Variants in ANTXR2 observed in about 807,000 individuals in gnomAD.
The protein encoded by ANTXR2 is anthrax toxin receptor 2.
Under a neutral mutation model 73.7 loss-of-function variants are expected in ANTXR2, and 44 were observed. That is an observed-to-expected ratio of 0.60 (90% CI 0.47 to 0.77). The LOEUF (loss-of-function observed/expected upper bound fraction) is 0.77, where lower values mean the gene tolerates loss of function less well. Among genes scored for constraint, ANTXR2 ranks in the 30% least tolerant of loss-of-function variants. The pLI is 0.00. For synonymous variants in ANTXR2, 217 were observed against 205.9 expected (o/e 1.05, Z -0.46); for missense variants, 604 against 592.5 (o/e 1.02, Z -0.20).
chr4:80,035,523 G>A (rs559309218), intron 8 of ANTXR2, among the ~76,000 whole-genome samples: 1 of 152,220 alleles, frequency 6.6e-6, no homozygotes, highest in Admixed American at 6.6e-5. Flanking sequence ...AGCACCAGCT[G>A]ATAAAGCCAC....
intron 15 of ANTXR2, 36 bp from the exon 16 acceptor site, chr4:79,977,737 T>C (rs372453434): frequency 1.3e-6 from 2 of 1,532,896 alleles, no homozygotes; most frequent in Non-Finnish European, 1.8e-6. Flanking sequence ...TCCCAGAGAA[T>C]GTACTCAATC....
intron 14 of ANTXR2, 148 bp from the exon 15 acceptor site, chr4:79,978,322 G>T: frequency 1.6e-6 from 1 of 622,924 alleles, no homozygotes; most frequent in Non-Finnish European, 2.4e-6. Flanking sequence ...CTCTTCAGAG[G>T]CTAAATAGGT....
intron 7 of ANTXR2, among the ~76,000 whole-genome samples, chr4:80,042,869 T>G (rs1733335638): frequency 6.6e-6 from 1 of 152,060 alleles, no homozygotes; most frequent in African/African-American, 2.4e-5. Flanking sequence ...CCTCTTATAT[T>G]TGTGAATCAC....
At chr4:80,043,472 TAAA>T (rs1733372468) in intron 7 of ANTXR2, among the ~76,000 whole-genome samples, 1 of 152,044 alleles carries the variant, frequency 6.6e-6, no homozygotes, top group African/African-American at 2.4e-5. Flanking sequence ...GTTTTTGGGA[TAAA>T]ACTGCTGATG....
Position 80,073,145 on chromosome 4 carries a change from G to A in ANTXR2, c.-585C>T, listed in dbSNP as rs922338295. On this transcript the variant is annotated 5_prime_UTR_variant, in exon 1 of 17. Coordinates refer to ENST00000403729, the MANE Select transcript of ANTXR2 (RefSeq NM_058172.6). ...TGACAGGCCGTCCCCTTTAGGGGAG[G>A]AGGCTAGCTGGCCCTGGGACTCCCG... is the stretch of plus-strand genomic sequence containing the variant. 6.5e-6 allele frequency: 1 copy of A among 152,684 alleles called. No individual in the cohort carries two copies. The highest frequency in any genetic ancestry group is 6.5e-5 in the Admixed American group (1 of 15,298). 9.5% of individuals were successfully genotyped at this position (152,684 alleles called of 1,614,324 possible). A position where few individuals can be genotyped will look rare whatever the true frequency, so the allele number is the denominator to read the frequency against.
chr4:79,908,416 C>A (rs1032651007), intron 16 of ANTXR2, among the ~76,000 whole-genome samples: 3 of 152,018 alleles, frequency 2.0e-5, no homozygotes, highest in Non-Finnish European at 2.9e-5. Context: ...TGATAAAATT[C>A]AAAAGCAACA....
intron 12 of ANTXR2, among the ~76,000 whole-genome samples, chr4:79,990,822 T>A (rs1006889229): frequency 3.0e-4 from 46 of 152,206 alleles, no homozygotes; most frequent in Non-Finnish European, 3.2e-4. Context: ...TACGACCATC[T>A]GATCTTCAAC....
intron 16 of ANTXR2, among the ~76,000 whole-genome samples, chr4:79,916,221 C>T (rs1228190389): frequency 1.3e-5 from 2 of 151,922 alleles, no homozygotes; most frequent in African/African-American, 4.8e-5. Context: ...AATGGTACAC[C>T]TAAACCACAC....
chr4:79,925,151 C>G (rs1405068113), intron 16 of ANTXR2, among the ~76,000 whole-genome samples: 1 of 152,098 alleles, frequency 6.6e-6, no homozygotes, highest in African/African-American at 2.4e-5. Context: ...AAACCCAAAC[C>G]TGGACAACTG....
chr4:80,063,102 A>T (rs1387358642), intron 3 of ANTXR2, among the ~76,000 whole-genome samples: 2 of 152,214 alleles, frequency 1.3e-5, no homozygotes, highest in African/African-American at 4.8e-5. Flanking sequence ...AAAGTTATAA[A>T]TACCCATTGT....
At chr4:80,029,124 G>A (rs1732572319) in intron 10 of ANTXR2, among the ~76,000 whole-genome samples, 1 of 152,028 alleles carries the variant, frequency 6.6e-6, no homozygotes, top group Non-Finnish European at 1.5e-5. Context: ...ATTAAAAAAT[G>A]TATCTCCTGG....
chr4:80,072,853 A>C lies in ANTXR2; in HGVS notation c.-293T>G. 2 of 535,984 alleles carry C rather than the reference A, an allele frequency of 3.7e-6. No individual in the cohort carries two copies. The highest frequency in any genetic ancestry group is 1.4e-4 in the South Asian group (2 of 14,042). 33.2% of individuals were successfully genotyped at this position (535,984 alleles called of 1,614,324 possible). On this transcript the variant is annotated 5_prime_UTR_variant, in exon 1 of 17. Transcript: ENST00000403729. Reference sequence around the variant, plus strand: ...TCCCGATTCCGGAGAGTTCCTGCAGACAATGCGGGCCCACGGCGACAGCTC... The same window carrying C: ...TCCCGATTCCGGAGAGTTCCTGCAGCCAATGCGGGCCCACGGCGACAGCTC...
chr4:79,910,593 A>G (rs1391162704), intron 16 of ANTXR2, among the ~76,000 whole-genome samples: 1 of 152,076 alleles, frequency 6.6e-6, no homozygotes, highest in African/African-American at 2.4e-5. Flanking sequence ...TATTCCCTCT[A>G]TAATGTCATT....
Position 80,072,789 on chromosome 4 carries a change from T to C in ANTXR2, c.-229A>G. On this transcript the variant is annotated 5_prime_UTR_variant, in exon 1 of 17. Coordinates refer to ENST00000403729, the MANE Select transcript of ANTXR2 (RefSeq NM_058172.6). ...ACCGCCGCAGCTGCCGCCGGAACTC[T>C]TGACGAATCCCAGTGGAAGCGCGAT... The C allele has an allele frequency of 1.9e-6, 2 of 1,037,510 alleles. No individual in the cohort carries two copies. The highest frequency in any genetic ancestry group is 2.4e-6 in the Non-Finnish European group (2 of 824,628). 64.3% of individuals were successfully genotyped at this position (1,037,510 alleles called of 1,614,324 possible). A position where few individuals can be genotyped will look rare whatever the true frequency, so the allele number is the denominator to read the frequency against.
chr4:79,902,833 C>T lies in ANTXR2; in HGVS notation c.*4596G>A, dbSNP rs1290010445. 6.6e-6 allele frequency: 1 copy of T among 151,900 alleles called. No individual in the cohort carries two copies. The highest frequency in any genetic ancestry group is 1.5e-5 in the Non-Finnish European group (1 of 67,982). 9.4% of individuals were successfully genotyped at this position (151,900 alleles called of 1,614,324 possible). ...ATATGAGATACAAAAATACTAAAACCTCCAACCTAACCATATTAATAGAAA... is the reference window on the plus strand; with the variant it reads ...ATATGAGATACAAAAATACTAAAACTTCCAACCTAACCATATTAATAGAAA... On this transcript the variant is annotated 3_prime_UTR_variant, in exon 17 of 17. Transcript: ENST00000403729.
At chr4:80,004,927 T>C (rs1731233495) in intron 12 of ANTXR2, among the ~76,000 whole-genome samples, 1 of 151,876 alleles carries the variant, frequency 6.6e-6, no homozygotes, top group Non-Finnish European at 1.5e-5. Context: ...AAAGACTTGC[T>C]GTTGAGGCAG....
rs1010470801 is a variant in ANTXR2, at chr4:80,072,826, C to G, written c.-266G>C. 4.2e-5 allele frequency: 32 copies of G among 765,526 alleles called. No individual in the cohort carries two copies. The highest frequency in any genetic ancestry group is 5.4e-5 in the Non-Finnish European group (30 of 560,062). 47.4% of individuals were successfully genotyped at this position (765,526 alleles called of 1,614,324 possible). A position where few individuals can be genotyped will look rare whatever the true frequency, so the allele number is the denominator to read the frequency against. On this transcript the variant is annotated 5_prime_UTR_variant, in exon 1 of 17. Coordinates refer to ENST00000403729, the MANE Select transcript of ANTXR2 (RefSeq NM_058172.6). ...AGTGGAAGCGCGATCCAGTCCTCCC[C>G]CTCCCGATTCCGGAGAGTTCCTGCA...
chr4:79,917,798 T>C (rs1727415702), intron 16 of ANTXR2, among the ~76,000 whole-genome samples: 1 of 151,962 alleles, frequency 6.6e-6, no homozygotes, highest in Admixed American at 6.6e-5. Flanking sequence ...ATATCTAGTA[T>C]AAAATTACAA....
rs568311138 is a variant in ANTXR2, at chr4:80,067,302, C to T, written c.296+2134G>A. Among the ~76,000 whole-genome samples the T allele has an allele frequency of 4.6e-5, 7 of 152,260 alleles. No individual in the cohort carries two copies. In the South Asian group the frequency reaches 1.2e-3, roughly 27 times the overall value. ...CCAATGATGAAAGAAGAATCACTAA[C>T]GTGGGTTAAAGATTTAAACCCCTTC... On this transcript the variant is annotated intron_variant, in intron 3 of 16. Transcript: ENST00000403729.
Sources: gnomAD v4.1 joint callset for allele counts (sites outside exome capture counted in the v4.1 genomes callset) on GRCh38, gnomAD v4.1.1 for gene constraint, MANE v1.5 for transcripts, NCBI Gene and HGNC (gene_info 2026-07-23, HGNC 2026-07-21) for gene names.